Variants in CCDC57 observed in about 807,000 individuals in gnomAD.
CCDC57 encodes coiled-coil domain containing 57.
In CCDC57, 118 loss-of-function variants were observed where a neutral mutation model predicts 118.9. The ratio of observed to expected loss-of-function variants is 0.99; its 90% confidence interval spans 0.86 to 1.16. The LOEUF (loss-of-function observed/expected upper bound fraction) is 1.16, where lower values mean the gene tolerates loss of function less well. CCDC57 is among the 50% of genes most tolerant of loss of function. The probability of loss-of-function intolerance (pLI) is 0.00; values close to 1 mark genes in which losing one functional copy is unlikely to be tolerated. For synonymous variants in CCDC57, 527 were observed against 532.9 expected (o/e 0.99, Z 0.15); for missense variants, 1,300 against 1,320.7 (o/e 0.98, Z 0.24).
intron 14 of CCDC57, among the ~76,000 whole-genome samples, chr17:82,161,941 C>T (rs941269801): frequency 2.0e-5 from 3 of 152,012 alleles, no homozygotes; most frequent in Non-Finnish European, 4.4e-5. Flanking sequence ...CTGAAAGGTA[C>T]ACTTTAAAAT....
rs1033435613 is a variant in CCDC57, at chr17:82,118,249, T to C, written c.2899+9443A>G. ...GCAGGGGGACTGGGCAGTTGTGGCC[T>C]GGTGGGTAGGGACTGGGAGGGAGTA... On this transcript the variant is annotated intron_variant, in intron 19 of 19. Coordinates refer to ENST00000665763, the Ensembl canonical transcript of CCDC57. The surrounding 1 kb of genome is among the most constrained non-coding windows in gnomAD (Gnocchi z 4.7). 1.3e-5 allele frequency among the ~76,000 whole-genome samples: 2 copies of C among 151,980 alleles called. No individual in the cohort carries two copies. Among genetic ancestry groups the C allele is most frequent in the Admixed American group, 1.3e-4 (2 of 15,248 alleles).
At chr17:82,156,369 T>C (rs916123685) in intron 15 of CCDC57, 9 of 152,024 alleles carry the variant, frequency 5.9e-5, no homozygotes, top group Non-Finnish European at 1.0e-4. Context: ...GGGAAGACAG[T>C]GAACTACGCA....
chr17:82,149,634 G>C lies in CCDC57; in HGVS notation c.2455+1926C>G, dbSNP rs184175821. ...GGTCCTGCTCTGTGCAGTGGCCTCC[G>C]ACCAGGCCCCGCTCACAAGAGGGGC... On this transcript the variant is annotated intron_variant, in intron 16 of 19. Coordinates refer to ENST00000665763, the Ensembl canonical transcript of CCDC57. 7.2e-5 allele frequency among the ~76,000 whole-genome samples: 11 copies of C among 152,164 alleles called. No homozygotes were observed. In the East Asian group the frequency reaches 2.1e-3, roughly 29 times the overall value.
exon 13 of CCDC57, chr17:82,171,711 T>G (rs1253831095): frequency 6.2e-7 from 1 of 1,611,716 alleles, no homozygotes. Flanking sequence ...CAGTCGTCTC[T>G]GTCGAGGTGC....
At chr17:82,195,234 C>G in intron 5 of CCDC57, 29 bp downstream of exon 4, 3 of 1,535,264 alleles carry the variant, frequency 2.0e-6, no homozygotes, top group Non-Finnish European at 2.7e-6. Flanking sequence ...ACCGAAAAAC[C>G]TTCACGACCC....
chr17:82,139,932 G>C (rs1429715266), intron 16 of CCDC57, among the ~76,000 whole-genome samples: 1 of 152,178 alleles, frequency 6.6e-6, no homozygotes, highest in Non-Finnish European at 1.5e-5. Flanking sequence ...GACAGCTTTT[G>C]TTAAGAATAC....
chr17:82,188,356 G>C, exon 8 of CCDC57: 1 of 1,611,078 alleles, frequency 6.2e-7, no homozygotes, highest in African/African-American at 1.3e-5. Flanking sequence ...GCTCCACGTG[G>C]GCTCCCTTCA....
At chr17:82,153,848 A>G (rs3088177) in intron 15 of CCDC57, 71,290 of 152,256 alleles carry the variant, frequency 0.47, 17,514 homozygotes, top group East Asian at 0.88. Flanking sequence ...CGATTCGAAG[A>G]AAATTCGAAG....
Position 82,118,864 on chromosome 17 carries a change from C to T in CCDC57, c.2899+8828G>A, listed in dbSNP as rs1055801674. Among the ~76,000 whole-genome samples, 1 of 151,810 alleles carries T rather than the reference C, an allele frequency of 6.6e-6. No homozygotes were observed. Among genetic ancestry groups the T allele is most frequent in the African/African-American group, 2.4e-5 (1 of 41,262 alleles). ...CCCGTATCTAAGGTTAACCCTCTTC[C>T]GGCCATTTGTAAATACTCCATTCTA... On this transcript the variant is annotated intron_variant, in intron 19 of 19. Transcript: ENST00000665763. This position sits in a 1 kb window ranked among gnomAD's most constrained non-coding sequence, Gnocchi z 4.7.
Position 82,151,563 on chromosome 17 carries a change from C to T in CCDC57, c.2452G>A (p.Glu818Lys), listed in dbSNP as rs768062396. The change falls in exon 16 of 20, where the codon GAA (glutamate) becomes AAA (lysine). Residue 818 changes from glutamate to lysine, a missense_variant. Physicochemically the swap from Glu to Lys is moderately conservative, Grantham distance 56. Transcript: ENST00000665763. Reference sequence around the variant, plus strand: ...GGCCTCCACTTCCCGGACTCACTTTCGGGTCGGCCCAGCTCTGCACGGAGC... The same window carrying T: ...GGCCTCCACTTCCCGGACTCACTTTTGGGTCGGCCCAGCTCTGCACGGAGC... 162 of 1,550,056 alleles carry T rather than the reference C, an allele frequency of 1.0e-4. No individual in the cohort carries two copies. In the Admixed American group the frequency reaches 2.3e-3, roughly 22 times the overall value.
intron 19 of CCDC57, among the ~76,000 whole-genome samples, chr17:82,119,078 A>G (rs1320122800): frequency 2.2e-5 from 1 of 46,468 alleles, no homozygotes; most frequent in East Asian, 7.5e-4. Flanking sequence ...GGCTCCACTG[A>G]GCGGGCGGGA....
intron 19 of CCDC57, among the ~76,000 whole-genome samples, chr17:82,125,964 C>T (rs1598728537): frequency 6.6e-6 from 1 of 152,104 alleles, no homozygotes; most frequent in Admixed American, 6.6e-5. Flanking sequence ...AACTGGGAGC[C>T]GTTGCCACTT....
At chr17:82,133,825 A>C (rs964484376) in intron 17 of CCDC57, among the ~76,000 whole-genome samples, 1 of 151,842 alleles carries the variant, frequency 6.6e-6, no homozygotes, top group Non-Finnish European at 1.5e-5. Flanking sequence ...GCACCACTGC[A>C]CTCAAGCCTG....
At chr17:82,127,413 G>T (rs79613812) in intron 19 of CCDC57, 1 of 881,690 alleles carries the variant, frequency 1.1e-6, no homozygotes, top group Non-Finnish European at 1.3e-6. Flanking sequence ...CCTGCGCCCG[G>T]GTGTACGGTG....
At chr17:82,141,363 T>C (rs2039988574) in intron 16 of CCDC57, among the ~76,000 whole-genome samples, 1 of 152,208 alleles carries the variant, frequency 6.6e-6, no homozygotes, top group Non-Finnish European at 1.5e-5. Flanking sequence ...TTTGTATTTT[T>C]AGTAGAGACA....
rs1049659705 is a variant in CCDC57, at chr17:82,133,866, A to T, written c.2577+207T>A. On this transcript the variant is annotated intron_variant, in intron 17 of 19. Transcript: ENST00000665763. ...CAGAGCAAGACTGTCTCAAAAAACAAACAAACAAATGAGAACCAAAACCAA... is the reference window on the plus strand; with the variant it reads ...CAGAGCAAGACTGTCTCAAAAAACATACAAACAAATGAGAACCAAAACCAA... Among the ~76,000 whole-genome samples, 38 of 151,836 alleles carry T rather than the reference A, an allele frequency of 2.5e-4. 2 individuals are homozygous for T. Among genetic ancestry groups the T allele is most frequent in the Non-Finnish European group, 1.9e-4 (13 of 67,978 alleles).
intron 19 of CCDC57, among the ~76,000 whole-genome samples, chr17:82,111,155 G>A (rs1401484504): frequency 2.6e-5 from 4 of 151,696 alleles, no homozygotes; most frequent in Admixed American, 2.6e-4. Flanking sequence ...GAGTGCAGTG[G>A]CGCGATCTCG....
intron 15 of CCDC57, 148 bp from the exon 15 acceptor site, chr17:82,151,921 A>C: frequency 1.5e-6 from 1 of 651,040 alleles, no homozygotes; most frequent in South Asian, 2.0e-5. Context: ...AAAGAAAGAC[A>C]AAAAGAGTCG....
chr17:82,103,340 TGGACG>T (rs978334147), intron 19 of CCDC57, among the ~76,000 whole-genome samples: 1 of 152,056 alleles, frequency 6.6e-6, no homozygotes, highest in African/African-American at 2.4e-5. Flanking sequence ...TGGGGGGCCC[TGGACG>T]CTGCCTGCTC....
Sources: gnomAD v4.1 joint callset for allele counts (sites outside exome capture counted in the v4.1 genomes callset) on GRCh38, gnomAD v4.1.1 for gene constraint, Gnocchi (gnomAD v3.1) non-coding constraint, MANE v1.5 for transcripts, NCBI Gene and HGNC (gene_info 2026-07-23, HGNC 2026-07-21) for gene names.